Variants in KAT6B observed in about 807,000 individuals in gnomAD.
KAT6B encodes histone acetyltransferase KAT6B.
KAT6B carries 10 observed loss-of-function variants against 187.5 expected under a neutral mutation model. The observed-to-expected ratio is 0.05, with a 90% CI of 0.03 to 0.09. The LOEUF (loss-of-function observed/expected upper bound fraction) is 0.09, where lower values mean the gene tolerates loss of function less well. KAT6B is among the 10% of genes least tolerant of loss of function. The pLI is 1.00. For synonymous variants in KAT6B, 861 were observed against 926.8 expected (o/e 0.93, Z 1.29); for missense variants, 1,952 against 2,558.9 (o/e 0.76, Z 5.12).
At chr10:74,918,672 G>A (rs1368184703) in intron 3 of KAT6B, among the ~76,000 whole-genome samples, 1 of 151,872 alleles carries the variant, frequency 6.6e-6, no homozygotes, top group Non-Finnish European at 1.5e-5. Flanking sequence ...GAACCCGGGA[G>A]GCAGAGGTTG....
intron 1 of KAT6B, among the ~76,000 whole-genome samples, chr10:74,833,383 C>T (rs922774019): frequency 3.9e-5 from 6 of 152,180 alleles, no homozygotes; most frequent in Admixed American, 2.6e-4. Flanking sequence ...CTTCAAATGA[C>T]TTTTCATCTT....
At chr10:74,917,993 A>G (rs543806118) in intron 3 of KAT6B, among the ~76,000 whole-genome samples, 1 of 152,338 alleles carries the variant, frequency 6.6e-6, no homozygotes, top group Non-Finnish European at 1.5e-5. Flanking sequence ...TCATATTTGT[A>G]GGGTAAGTTT....
chr10:75,009,964 G>A (rs777965565), intron 13 of KAT6B, among the ~76,000 whole-genome samples: 1 of 152,200 alleles, frequency 6.6e-6, no homozygotes, highest in Non-Finnish European at 1.5e-5. Flanking sequence ...TCATGCCATT[G>A]CACTCCAGCC....
At chr10:75,020,847 C>G in intron 14 of KAT6B, 34 bp downstream of exon 14, 6 of 1,568,530 alleles carry the variant, frequency 3.8e-6, no homozygotes, top group Non-Finnish European at 5.3e-6. Context: ...CTCCGTGGCT[C>G]AGGCATCCCA....
At chr10:74,840,337 T>C (rs756439309) in intron 2 of KAT6B, among the ~76,000 whole-genome samples, 34 of 152,374 alleles carry the variant, frequency 2.2e-4, no homozygotes, top group South Asian at 6.2e-4. Context: ...GTCTAAGTTA[T>C]GGCTGGAGGT....
intron 13 of KAT6B, among the ~76,000 whole-genome samples, chr10:75,017,360 C>T (rs1431263928): frequency 6.6e-6 from 1 of 152,086 alleles, no homozygotes; most frequent in Admixed American, 6.5e-5. Flanking sequence ...AGGCCGGGCA[C>T]AGTGGCTCAC....
chr10:74,853,109 CTTTTTTTTTTTT>C (rs1233676750), intron 3 of KAT6B, among the ~76,000 whole-genome samples: 1 of 113,744 alleles, frequency 8.8e-6, no homozygotes, highest in African/African-American at 4.0e-5. Context: ...TTTCTTTCAT[CTTTTTTTTTTTT>C]TTTTTTTTTC....
At chr10:74,977,532 T>A (rs1842240293) in intron 9 of KAT6B, 95 bp downstream of exon 9, 1 of 1,423,258 alleles carries the variant, frequency 7.0e-7, no homozygotes, top group East Asian at 2.3e-5. Context: ...GAGAATCCCT[T>A]TCAACATCCT....
At chr10:74,898,894 TA>T (rs1446958495) in intron 3 of KAT6B, among the ~76,000 whole-genome samples, 1 of 151,546 alleles carries the variant, frequency 6.6e-6, no homozygotes, top group East Asian at 1.9e-4. Flanking sequence ...CTCATTCCTG[TA>T]ATCCTAGCAC....
intron 6 of KAT6B, among the ~76,000 whole-genome samples, chr10:74,971,947 T>G (rs1272807459): frequency 1.3e-5 from 2 of 152,178 alleles, no homozygotes; most frequent in African/African-American, 4.8e-5. Context: ...TAAACTTTTC[T>G]GTAGGCTTTG....
At position 74,928,692 on chromosome 10, in the gene KAT6B, C is replaced by T. The variant is rs573048959; in HGVS notation, c.622-31278C>T. On this transcript the variant is annotated intron_variant, in intron 3 of 17. Transcript: ENST00000287239. ...GAGAAAGAAATATTTAGTTTTTATACGTAGTTTTTAAGACTTTAAAGGTTT... is the reference window on the plus strand; with the variant it reads ...GAGAAAGAAATATTTAGTTTTTATATGTAGTTTTTAAGACTTTAAAGGTTT... Among the ~76,000 whole-genome samples the T allele has an allele frequency of 6.6e-5, 10 of 152,184 alleles. 1 individual carries two copies. In the South Asian group the frequency reaches 1.0e-3, roughly 16 times the overall value.
chr10:74,828,562 CTTTTT>C (rs1160950109), intron 1 of KAT6B, among the ~76,000 whole-genome samples: 1 of 94,820 alleles, frequency 1.1e-5, no homozygotes, highest in Admixed American at 1.3e-4. Flanking sequence ...CTCATAAGTT[CTTTTT>C]TTTTTTTTTT....
intron 3 of KAT6B, among the ~76,000 whole-genome samples, chr10:74,914,539 C>T (rs1284546008): frequency 6.6e-6 from 1 of 152,112 alleles, no homozygotes; most frequent in East Asian, 1.9e-4. Flanking sequence ...CTTCTGGAAA[C>T]TTTTAGGATC....
intron 3 of KAT6B, among the ~76,000 whole-genome samples, chr10:74,851,333 A>ATTT (rs1212836217): frequency 7.8e-6 from 1 of 128,326 alleles, no homozygotes. Context: ...GATAAGAATG[A>ATTT]TTTTTTTTTT....
At chr10:74,919,461 G>A (rs535366123) in intron 3 of KAT6B, among the ~76,000 whole-genome samples, 30 of 152,050 alleles carry the variant, frequency 2.0e-4, no homozygotes, top group African/African-American at 6.0e-4. Flanking sequence ...GTGCAGTGGC[G>A]TGATCATGGC....
rs1227203901 is a variant in KAT6B at position 74,853,964 on chromosome 10, T to C, written c.621+10486T>C. On this transcript the variant is annotated intron_variant, in intron 3 of 17. Coordinates refer to ENST00000287239, the MANE Select transcript of KAT6B (RefSeq NM_012330.4). ...TCATGACAGTAGCAATGTGTTTTAA[T>C]TGTAAAATTCTTGACTTTTTGTTTT... is the stretch of plus-strand genomic sequence containing the variant. 5.9e-5 allele frequency among the ~76,000 whole-genome samples: 9 copies of C among 152,324 alleles called. No individual in the cohort carries two copies. The East Asian group carries it at 1.7e-3, about 29-fold the overall frequency.
At chr10:74,993,274 A>G (rs140307557) in intron 13 of KAT6B, among the ~76,000 whole-genome samples, 1 of 152,224 alleles carries the variant, frequency 6.6e-6, no homozygotes, top group East Asian at 1.9e-4. Context: ...TTTTTCTTTA[A>G]TTTTGAAATA....
rs539737078 is a variant in KAT6B at position 74,868,991 on chromosome 10, A to T, written c.621+25513A>T. On this transcript the variant is annotated intron_variant, in intron 3 of 17. Coordinates refer to ENST00000287239, the MANE Select transcript of KAT6B (RefSeq NM_012330.4). The stretch of plus-strand genomic sequence containing the variant: ...GAAAATCAGCCTTGTTCTGAACCAC[A>T]GTTTTACAATGAAGCTTAAGATTAA... Among the ~76,000 whole-genome samples the T allele has an allele frequency of 7.9e-5, 12 of 152,282 alleles. No homozygotes were observed. The East Asian group carries it at 2.3e-3, about 29-fold the overall frequency.
chr10:74,891,866 AG>A (rs1282160460), intron 3 of KAT6B, among the ~76,000 whole-genome samples: 6 of 152,232 alleles, frequency 3.9e-5, no homozygotes, highest in African/African-American at 1.4e-4. Context: ...GGAAGCAGAT[AG>A]GGAATGTCTG....
Sources: allele counts gnomAD v4.1 joint callset (sites outside exome capture counted in the v4.1 genomes callset), GRCh38; gene constraint gnomAD v4.1.1; transcripts MANE v1.5; gene names NCBI Gene and HGNC (gene_info 2026-07-23, HGNC 2026-07-21).